XCR1: variants seen among roughly 807,000 people sequenced by gnomAD.
XCR1 encodes X-C motif chemokine receptor 1.
For synonymous variants in XCR1, 187 were observed against 188.5 expected, an observed-to-expected ratio of 0.99 and a Z score of 0.06; for missense variants, 356 against 424.2, an observed-to-expected ratio of 0.84 and a Z score of 1.41.
chr3:46,079,383 G>A (rs1045638967), intron 1 of XCR1, among the ~76,000 whole-genome samples: 2 of 152,078 alleles, frequency 1.3e-5, no homozygotes, highest in African/African-American at 4.8e-5. Context: ...TACTTCCAAT[G>A]GCACCTAGAG....
intron 4 of XCR1, among the ~76,000 whole-genome samples, chr3:46,055,428 A>G (rs1559489594): frequency 6.6e-6 from 1 of 152,186 alleles, no homozygotes; most frequent in Non-Finnish European, 1.5e-5. Context: ...AGACCCCTCC[A>G]GACGAATGGA....
At chr3:46,057,777 G>A (rs1437739579) in intron 4 of XCR1, among the ~76,000 whole-genome samples, 2 of 152,132 alleles carry the variant, frequency 1.3e-5, no homozygotes, top group African/African-American at 4.8e-5. Context: ...TCTTCCCGAT[G>A]GCTGCCCTGC....
chr3:46,066,978 C>T (rs977829291), exon 4 of XCR1, among the ~76,000 whole-genome samples: 1 of 143,356 alleles, frequency 7.0e-6, no homozygotes, highest in Middle Eastern at 3.9e-3. Context: ...AAGCCATATA[C>T]CTGCAGTACA....
chr3:46,028,907 C>T (rs931777441), upstream of XCR1, among the ~76,000 whole-genome samples: 28 of 152,178 alleles, frequency 1.8e-4, no homozygotes, highest in African/African-American at 5.3e-4. Context: ...TTAACTTTCA[C>T]GAAATCTAAT....
Position 46,043,717 on chromosome 3 carries a change from TACACACACACACAC to T in XCR1, c.-32+10189_-32+10202del, listed in dbSNP as rs144432920. On this transcript the variant is annotated intron_variant, in intron 5 of 5. Transcript: ENST00000683768. ...GGGCAACATAGTGAGACCTCATCTC[TACACACACACACAC>T]ACACACACACACACACACACACACA... Among the ~76,000 whole-genome samples the T allele has an allele frequency of 2.2e-3, 318 of 141,576 alleles. 5 individuals are homozygous for T. The highest frequency in any genetic ancestry group is 3.6e-3 in the Middle Eastern group (1 of 280). 92.9% of individuals were successfully genotyped at this position (141,576 alleles called of 152,430 possible). A position where few individuals can be genotyped will look rare whatever the true frequency, so the allele number is the denominator to read the frequency against.
upstream of XCR1, among the ~76,000 whole-genome samples, chr3:46,030,153 C>G (rs1708370702): frequency 6.6e-6 from 1 of 151,826 alleles, no homozygotes; most frequent in Non-Finnish European, 1.5e-5. Context: ...AATCTGGGTA[C>G]TTTTCCCCCC....
At chr3:46,060,821 A>G (rs886844680) in intron 4 of XCR1, among the ~76,000 whole-genome samples, 2 of 152,190 alleles carry the variant, frequency 1.3e-5, no homozygotes, top group African/African-American at 4.8e-5. Flanking sequence ...CCAGTACTAC[A>G]AGATATTGCC....
chr3:46,082,454 A>G (rs141314558), intron 1 of XCR1, among the ~76,000 whole-genome samples: 1 of 151,056 alleles, frequency 6.6e-6, no homozygotes, highest in East Asian at 1.9e-4. Flanking sequence ...ATATATGTAA[A>G]CAAATGCCTA....
At chr3:46,065,255 A>G (rs948467231) in intron 4 of XCR1, among the ~76,000 whole-genome samples, 1 of 152,210 alleles carries the variant, frequency 6.6e-6, no homozygotes, top group Non-Finnish European at 1.5e-5. Context: ...AACAAGTAAT[A>G]TTGGTTAGGG....
intron 1 of XCR1, among the ~76,000 whole-genome samples, chr3:46,078,586 G>A (rs115079681): frequency 0.045 from 6,779 of 152,256 alleles, 195 homozygotes; most frequent in African/African-American, 0.08. Flanking sequence ...AGGGAGGTCT[G>A]GGTCCAGGCA....
chr3:46,037,198 AC>A (rs1336262098), intron 5 of XCR1, among the ~76,000 whole-genome samples: 1 of 152,156 alleles, frequency 6.6e-6, no homozygotes, highest in Non-Finnish European at 1.5e-5. Context: ...TATAAAAGCT[AC>A]CCAAAAATGT....
intron 5 of XCR1, among the ~76,000 whole-genome samples, chr3:46,052,790 A>G (rs533430261): frequency 6.6e-6 from 1 of 152,228 alleles, no homozygotes; most frequent in Non-Finnish European, 1.5e-5. Context: ...TTCTGCAGCC[A>G]AGGTATGAGG....
At chr3:46,048,247 A>G (rs574397387) in intron 5 of XCR1, among the ~76,000 whole-genome samples, 1 of 152,216 alleles carries the variant, frequency 6.6e-6, no homozygotes, top group South Asian at 2.1e-4. Flanking sequence ...GAGGAGTGTC[A>G]CTCCAAAGTA....
chr3:46,075,210 A>G (rs1412703353), intron 2 of XCR1, among the ~76,000 whole-genome samples: 1 of 148,276 alleles, frequency 6.7e-6, no homozygotes, highest in East Asian at 2.1e-4. Flanking sequence ...CCACACAAGT[A>G]TGGCCCACTG....
chr3:46,030,522 C>T (rs1002714662), upstream of XCR1, among the ~76,000 whole-genome samples: 1 of 152,192 alleles, frequency 6.6e-6, no homozygotes, highest in East Asian at 1.9e-4. Flanking sequence ...ATGCACTATA[C>T]ACTATGTATA....
intron 2 of XCR1, among the ~76,000 whole-genome samples, chr3:46,075,122 C>T (rs1429612029): frequency 1.3e-5 from 2 of 151,618 alleles, no homozygotes; most frequent in African/African-American, 4.8e-5. Flanking sequence ...TATTTCATAG[C>T]TATAGTAATA....
At chr3:46,082,476 C>CTTTTTTTTTTTTTT (rs61282576) in intron 1 of XCR1, among the ~76,000 whole-genome samples, 1 of 100,030 alleles carries the variant, frequency 1.0e-5, no homozygotes, top group African/African-American at 3.8e-5. Flanking sequence ...AATCAGGCTC[C>CTTTTTTTTTTTTTT]TTTTTTTTTT....
intron 5 of XCR1, among the ~76,000 whole-genome samples, chr3:46,038,038 T>TTG (rs1697468893): frequency 1.3e-5 from 2 of 150,180 alleles, no homozygotes; most frequent in African/African-American, 5.0e-5. Context: ...TTGTTTTTTT[T>TTG]TTTTTTTGAG....
At chr3:46,045,785 A>C (rs1697613943) in intron 5 of XCR1, among the ~76,000 whole-genome samples, 1 of 152,212 alleles carries the variant, frequency 6.6e-6, no homozygotes, top group Non-Finnish European at 1.5e-5. Context: ...AAATTAGTAC[A>C]ACCTCTATAG....
Sources: gnomAD v4.1 joint callset for allele counts (sites outside exome capture counted in the v4.1 genomes callset) on GRCh38, gnomAD v4.1.1 for gene constraint, MANE v1.5 for transcripts, NCBI Gene and HGNC (gene_info 2026-07-23, HGNC 2026-07-21) for gene names.